FRMD4A: variants seen among roughly 807,000 people sequenced by gnomAD.
The protein encoded by FRMD4A is FERM domain-containing protein 4A.
In FRMD4A, 29 loss-of-function variants were observed where a neutral mutation model predicts 129.1. The ratio of observed to expected loss-of-function variants is 0.22; its 90% CI spans 0.17 to 0.31. The LOEUF (loss-of-function observed/expected upper bound fraction) is 0.31, where lower values mean the gene tolerates loss of function less well. Among genes scored for constraint, FRMD4A ranks in the 10% least tolerant of loss-of-function variants. FRMD4A has a pLI of 1.00. For synonymous variants in FRMD4A, 634 were observed against 571.6 expected, an observed-to-expected ratio of 1.11 and a Z score of -1.56; for missense variants, 1,272 against 1,375.8, an observed-to-expected ratio of 0.92 and a Z score of 1.19.
At chr10:13,987,992 G>A (rs1485341874) in intron 2 of FRMD4A, among the ~76,000 whole-genome samples, 1 of 152,096 alleles carries the variant, frequency 6.6e-6, no homozygotes, top group African/African-American at 2.4e-5. Flanking sequence ...TTTTAAAAGA[G>A]GGGACTCTCA....
chr10:14,023,631 G>A (rs2131649092), intron 2 of FRMD4A, among the ~76,000 whole-genome samples: 1 of 152,318 alleles, frequency 6.6e-6, no homozygotes, highest in African/African-American at 2.4e-5. Flanking sequence ...ACAGACCCGT[G>A]GCCAACAGAA....
chr10:13,733,396 C>T (rs950434959), intron 12 of FRMD4A, among the ~76,000 whole-genome samples: 2 of 152,162 alleles, frequency 1.3e-5, no homozygotes, highest in African/African-American at 4.8e-5. Flanking sequence ...TAGAAGCTAA[C>T]AAAACTAAGG....
At chr10:13,875,146 G>T (rs2094475945) in intron 2 of FRMD4A, among the ~76,000 whole-genome samples, 1 of 152,186 alleles carries the variant, frequency 6.6e-6, no homozygotes, top group South Asian at 2.1e-4. Context: ...ACACCGTGGC[G>T]GATGAGAAGG....
chr10:13,660,164 G>A, intron 20 of FRMD4A, 152 bp downstream of exon 20: 1 of 594,998 alleles, frequency 1.7e-6, no homozygotes, highest in South Asian at 2.2e-5. Context: ...AGCAGAGGGC[G>A]CTGTGAGCAC....
chr10:13,822,757 G>T (rs1269522772), intron 3 of FRMD4A, among the ~76,000 whole-genome samples: 1 of 152,106 alleles, frequency 6.6e-6, no homozygotes, highest in Non-Finnish European at 1.5e-5. Flanking sequence ...ACAGATACTT[G>T]TGTCCCCAGG....
At chr10:13,863,427 CAAA>C (rs34102644) in intron 2 of FRMD4A, among the ~76,000 whole-genome samples, 1 of 147,302 alleles carries the variant, frequency 6.8e-6, no homozygotes, top group African/African-American at 2.5e-5. Context: ...ACTAAAAATA[CAAA>C]AAAAAAAAAA....
intron 22 of FRMD4A, chr10:13,656,056 C>T (rs1047831561): frequency 3.9e-5 from 6 of 152,070 alleles, no homozygotes; most frequent in African/African-American, 1.4e-4. Context: ...ATTTAAGACA[C>T]TTAAATAATA....
At chr10:13,942,328 G>C (rs777264345) in intron 2 of FRMD4A, among the ~76,000 whole-genome samples, 2 of 152,188 alleles carry the variant, frequency 1.3e-5, no homozygotes, top group African/African-American at 2.4e-5. Context: ...CTGCCTGGGA[G>C]AGCAGCCAGG....
At chr10:14,071,715 A>T (rs965162405) in intron 2 of FRMD4A, among the ~76,000 whole-genome samples, 1 of 152,064 alleles carries the variant, frequency 6.6e-6, no homozygotes, top group Non-Finnish European at 1.5e-5. Context: ...GTGGCTTAGG[A>T]TATGGGTGCT....
At chr10:13,890,953 C>T in intron 2 of FRMD4A, 1 of 659,356 alleles carries the variant, frequency 1.5e-6, no homozygotes, top group Non-Finnish European at 1.9e-6. Context: ...GGCACCAAGT[C>T]GCTCGTTACG....
chr10:14,012,503 G>A (rs565587090), intron 2 of FRMD4A, among the ~76,000 whole-genome samples: 77 of 152,242 alleles, frequency 5.1e-4, no homozygotes, highest in African/African-American at 1.2e-3. Context: ...AAGGGGTGGC[G>A]GGAATGGGGG....
At chr10:14,243,717 A>T (rs1175810081) in intron 2 of FRMD4A, among the ~76,000 whole-genome samples, 1 of 152,110 alleles carries the variant, frequency 6.6e-6, no homozygotes, top group Non-Finnish European at 1.5e-5. Flanking sequence ...GAAAAAAAAG[A>T]AAAACTTCTG....
At chr10:14,108,924 C>T (rs1394739947) in intron 2 of FRMD4A, among the ~76,000 whole-genome samples, 2 of 152,158 alleles carry the variant, frequency 1.3e-5, no homozygotes, top group East Asian at 3.9e-4. Flanking sequence ...TGCCATGAGA[C>T]CTTCCCAGAT....
At chr10:13,761,599 G>C in intron 8 of FRMD4A, 48 bp downstream of exon 8, 1 of 1,407,098 alleles carries the variant, frequency 7.1e-7, no homozygotes, top group Non-Finnish European at 1.0e-6. Flanking sequence ...TAATAGAGAA[G>C]CAAGGGCTTA....
At chr10:13,982,214 T>G (rs1444500457) in intron 2 of FRMD4A, among the ~76,000 whole-genome samples, 1 of 152,138 alleles carries the variant, frequency 6.6e-6, no homozygotes, top group Non-Finnish European at 1.5e-5. Flanking sequence ...CTGGGCATAG[T>G]GGCTCATGCC....
chr10:14,317,341 T>C (rs1398700848), intron 2 of FRMD4A, among the ~76,000 whole-genome samples: 2 of 152,184 alleles, frequency 1.3e-5, no homozygotes, highest in Non-Finnish European at 2.9e-5. Context: ...ATTGCATTCA[T>C]GTATGCTGTT....
intron 13 of FRMD4A, among the ~76,000 whole-genome samples, chr10:13,702,827 A>C (rs1480741353): frequency 6.6e-6 from 1 of 151,420 alleles, no homozygotes; most frequent in African/African-American, 2.4e-5. Flanking sequence ...GTTCACCCTC[A>C]CTTTTAAGGA....
At chr10:14,260,393 G>A (rs1358841740) in intron 2 of FRMD4A, among the ~76,000 whole-genome samples, 1 of 152,200 alleles carries the variant, frequency 6.6e-6, no homozygotes, top group Non-Finnish European at 1.5e-5. Flanking sequence ...CATGGTGGCT[G>A]TGTCAACAGG....
Position 13,997,624 on chromosome 10 carries a change from CTT to C in FRMD4A, c.46-138714_46-138713del, listed in dbSNP as rs775846641. 0.031 allele frequency among the ~76,000 whole-genome samples: 2,640 copies of C among 86,110 alleles called. 82 individuals are homozygous for C. The East Asian group carries it at 0.35, about 11-fold the overall frequency. The allele number at this position is 86,110 out of a possible 152,430, so 56.5% of individuals were successfully genotyped here. Reference sequence around the variant, plus strand: ...CATGGCAATTCTTTTCTTTTCTTTTCTTTTTTTTTTTTTTTTGAGATAATATC... The same window carrying C: ...CATGGCAATTCTTTTCTTTTCTTTTCTTTTTTTTTTTTTTGAGATAATATC... On this transcript the variant is annotated intron_variant, in intron 2 of 24. Transcript: ENST00000357447.
Sources: allele counts gnomAD v4.1 joint callset (sites outside exome capture counted in the v4.1 genomes callset), GRCh38; gene constraint gnomAD v4.1.1; transcripts MANE v1.5; gene names NCBI Gene and HGNC (gene_info 2026-07-23, HGNC 2026-07-21).